The following ADAM23 variants were observed in gnomAD, a reference collection of about 807,000 sequenced individuals.
ADAM23 encodes the protein disintegrin and metalloproteinase domain-containing protein 23.
Under a neutral mutation model 120.1 loss-of-function variants are expected in ADAM23, and 33 were observed. The observed-to-expected ratio is 0.27, with a 90% CI of 0.21 to 0.37. ADAM23 has a LOEUF of 0.37. Among genes scored for constraint, ADAM23 ranks in the 10% least tolerant of loss-of-function variants. ADAM23 has a pLI of 1.00. For synonymous variants in ADAM23, 367 were observed against 375.2 expected, an observed-to-expected ratio of 0.98 and a Z score of 0.25; for missense variants, 862 against 1,058.2, an observed-to-expected ratio of 0.81 and a Z score of 2.57.
intron 24 of ADAM23, among the ~76,000 whole-genome samples, chr2:206,599,075 C>T (rs1162866509): frequency 1.3e-5 from 2 of 151,308 alleles, no homozygotes; most frequent in African/African-American, 2.4e-5. Context: ...CATGGTGGTG[C>T]GTGCCTGTAG....
At chr2:206,563,959 T>A (rs1277987045) in intron 13 of ADAM23, among the ~76,000 whole-genome samples, 1 of 152,076 alleles carries the variant, frequency 6.6e-6, no homozygotes, top group East Asian at 1.9e-4. Flanking sequence ...CTCGATCTCC[T>A]GACCTCATGA....
chr2:206,480,305 G>A lies in ADAM23; in HGVS notation c.433-927G>A, dbSNP rs980410325. On this transcript the variant is annotated intron_variant, in intron 2 of 25. Coordinates refer to ENST00000264377, the MANE Select transcript of ADAM23 (RefSeq NM_003812.4). ...GGAGGGAATAGAAAGTACTGGGAGGGAGATGCCTGGTGTGTTCATGCTGGT... is the reference window on the plus strand; with the variant it reads ...GGAGGGAATAGAAAGTACTGGGAGGAAGATGCCTGGTGTGTTCATGCTGGT... Among the ~76,000 whole-genome samples, 5 of 152,032 alleles carry A rather than the reference G, an allele frequency of 3.3e-5. No homozygotes were observed. The South Asian group carries it at 1.0e-3, about 32-fold the overall frequency.
At chr2:206,547,297 C>G in intron 6 of ADAM23, 132 bp from the exon 7 acceptor site, 2 of 614,268 alleles carry the variant, frequency 3.3e-6, no homozygotes, top group Non-Finnish European at 5.4e-6. Context: ...ATACTTTTCA[C>G]TTTTGATAGC....
chr2:206,610,510 A>G (rs1201569267), intron 25 of ADAM23, among the ~76,000 whole-genome samples: 1 of 152,230 alleles, frequency 6.6e-6, no homozygotes, highest in Non-Finnish European at 1.5e-5. Flanking sequence ...ACAGATTTTA[A>G]AAGTATTTGT....
intron 9 of ADAM23, among the ~76,000 whole-genome samples, chr2:206,555,819 T>C (rs1697631360): frequency 6.6e-6 from 1 of 152,212 alleles, no homozygotes; most frequent in African/African-American, 2.4e-5. Context: ...ATGTTTTCTC[T>C]TTCAATCCAC....
intron 22 of ADAM23, among the ~76,000 whole-genome samples, 167 bp from the exon 23 acceptor site, chr2:206,594,570 T>C (rs578213493): frequency 2.0e-5 from 3 of 152,242 alleles, no homozygotes; most frequent in Admixed American, 1.3e-4. Flanking sequence ...CATGCTCTTT[T>C]ATTAAGGAAA....
chr2:206,595,716 T>C (rs1397421681), intron 23 of ADAM23, among the ~76,000 whole-genome samples: 1 of 152,226 alleles, frequency 6.6e-6, no homozygotes, highest in Non-Finnish European at 1.5e-5. Context: ...AAAAGTATCT[T>C]ATCAGACATT....
intron 15 of ADAM23, among the ~76,000 whole-genome samples, chr2:206,569,804 G>A (rs983574382): frequency 3.3e-5 from 5 of 152,252 alleles, no homozygotes; most frequent in African/African-American, 1.2e-4. Context: ...TTGCCTTCCT[G>A]GAAGTGGAAG....
At chr2:206,481,126 T>G in intron 2 of ADAM23, 106 bp from the exon 3 acceptor site, 2 of 755,396 alleles carry the variant, frequency 2.6e-6, no homozygotes, top group Non-Finnish European at 4.1e-6. Flanking sequence ...CATAAGGAAA[T>G]GAACTGATAC....
intron 20 of ADAM23, among the ~76,000 whole-genome samples, chr2:206,588,714 T>C (rs905110963): frequency 1.6e-4 from 24 of 152,270 alleles, no homozygotes; most frequent in East Asian, 3.9e-4. Flanking sequence ...TCTCCAATAA[T>C]ATCAGTTCAT....
intron 18 of ADAM23, among the ~76,000 whole-genome samples, chr2:206,581,782 TTC>T (rs1420817698): frequency 6.6e-6 from 1 of 152,216 alleles, no homozygotes; most frequent in Non-Finnish European, 1.5e-5. Flanking sequence ...TTTGTTGACT[TTC>T]TGTCTTGATG....
chr2:206,503,609 G>A (rs1010611798), intron 3 of ADAM23, among the ~76,000 whole-genome samples: 1 of 152,110 alleles, frequency 6.6e-6, no homozygotes, highest in Admixed American at 6.5e-5. Flanking sequence ...TGATGGAAGG[G>A]CTAATTGAGG....
At chr2:206,586,693 T>C (rs531390729) in intron 18 of ADAM23, among the ~76,000 whole-genome samples, 1 of 152,336 alleles carries the variant, frequency 6.6e-6, no homozygotes, top group Non-Finnish European at 1.5e-5. Flanking sequence ...CAATAAAATG[T>C]ACAGAGAGTA....
chr2:206,473,178 T>G (rs759838256), intron 2 of ADAM23, among the ~76,000 whole-genome samples: 2 of 152,216 alleles, frequency 1.3e-5, no homozygotes, highest in African/African-American at 2.4e-5. Context: ...GGAAGGCATC[T>G]TGTGTTTTAC....
At chr2:206,460,638 A>G (rs1299053443) in intron 2 of ADAM23, among the ~76,000 whole-genome samples, 1 of 152,138 alleles carries the variant, frequency 6.6e-6, no homozygotes, top group Non-Finnish European at 1.5e-5. Context: ...CTGGATATCA[A>G]TCCCTTACCA....
chr2:206,448,346 C>G (rs923162477), intron 2 of ADAM23, among the ~76,000 whole-genome samples: 13 of 152,150 alleles, frequency 8.5e-5, no homozygotes, highest in Non-Finnish European at 1.9e-4. Context: ...TTCTTTCTTG[C>G]TAGCTAGGAA....
intron 3 of ADAM23, among the ~76,000 whole-genome samples, chr2:206,525,656 A>G (rs1364911808): frequency 2.0e-5 from 3 of 151,156 alleles, no homozygotes; most frequent in African/African-American, 7.3e-5. Flanking sequence ...CAGTGGTGTG[A>G]TCTCGGCTCA....
intron 3 of ADAM23, among the ~76,000 whole-genome samples, chr2:206,518,690 C>A (rs1469635237): frequency 6.6e-6 from 1 of 152,150 alleles, no homozygotes. Context: ...TGTTATCAAT[C>A]TAATCTGTAG....
intron 3 of ADAM23, among the ~76,000 whole-genome samples, chr2:206,520,507 ATCATT>A (rs1331153199): frequency 6.6e-6 from 1 of 152,202 alleles, no homozygotes; most frequent in African/African-American, 2.4e-5. Flanking sequence ...ATCTTTGTTA[ATCATT>A]TCTTTAATTC....
Sources: gnomAD v4.1 joint callset for allele counts (sites outside exome capture counted in the v4.1 genomes callset) on GRCh38, gnomAD v4.1.1 for gene constraint, MANE v1.5 for transcripts, NCBI Gene and HGNC (gene_info 2026-07-23, HGNC 2026-07-21) for gene names.